RNF111: variants seen among roughly 807,000 people sequenced by gnomAD.
The protein encoded by RNF111 is ring finger protein 111.
A neutral mutation model predicts 95.1 loss-of-function variants in RNF111; 17 were observed. The observed-to-expected ratio is 0.18, with a 90% CI of 0.12 to 0.27. The LOEUF is 0.27. Among genes scored for constraint, RNF111 ranks in the 10% least tolerant of loss-of-function variants. The pLI is 1.00. For synonymous variants in RNF111, 440 were observed against 414.8 expected, an observed-to-expected ratio of 1.06 and a Z score of -0.74; for missense variants, 1,189 against 1,210.4, an observed-to-expected ratio of 0.98 and a Z score of 0.26.
At chr15:58,992,138 G>A (rs1038061804) in intron 1 of RNF111, among the ~76,000 whole-genome samples, 6 of 152,056 alleles carry the variant, frequency 3.9e-5, no homozygotes, top group Non-Finnish European at 7.4e-5. Context: ...TCCACCTCCC[G>A]GGTTCAAGCA....
At chr15:59,036,550 G>T (rs1195459100) in intron 2 of RNF111, among the ~76,000 whole-genome samples, 1 of 152,108 alleles carries the variant, frequency 6.6e-6, no homozygotes, top group Admixed American at 6.6e-5. Flanking sequence ...GTTCACTACC[G>T]TGAGAACATG....
At chr15:59,046,973 T>C (rs1397219173) in intron 2 of RNF111, among the ~76,000 whole-genome samples, 1 of 152,010 alleles carries the variant, frequency 6.6e-6, no homozygotes, top group Non-Finnish European at 1.5e-5. Flanking sequence ...TTTCAAGTGA[T>C]CCTACCACCT....
chr15:59,073,374 G>A (rs563999666), intron 6 of RNF111, among the ~76,000 whole-genome samples: 13 of 151,876 alleles, frequency 8.6e-5, no homozygotes, highest in East Asian at 1.9e-4. Context: ...CCAGCTGCTC[G>A]CGAGGCTGAG....
intron 1 of RNF111, among the ~76,000 whole-genome samples, chr15:59,012,501 G>A (rs1056148350): frequency 1.5e-4 from 23 of 152,150 alleles, no homozygotes; most frequent in African/African-American, 5.1e-4. Flanking sequence ...CTTTGTGTAC[G>A]TATTGACTAT....
rs1414275287 is a variant in RNF111, at chr15:58,989,871, CTTCT to C, written c.-20+1806_-20+1809del. Among the ~76,000 whole-genome samples, 198 of 145,524 alleles carry C rather than the reference CTTCT, an allele frequency of 1.4e-3. 1 individual carries two copies. Among genetic ancestry groups the C allele is most frequent in the Non-Finnish European group, 4.9e-4 (32 of 65,606 alleles). ...AACCATTTAGATTTTTAGATGTTTC[CTTCT>C]TTTTTTTTTTGTTATAGTTTAAAGA... On this transcript the variant is annotated intron_variant, in intron 1 of 13. Transcript: ENST00000348370.
rs143246180 is a variant in RNF111, at chr15:59,032,678, C to G, written c.880+976C>G. 4.4e-3 allele frequency among the ~76,000 whole-genome samples: 670 copies of G among 152,308 alleles called. 2 individuals carry two copies. Among genetic ancestry groups the G allele is most frequent in the Non-Finnish European group, 7.8e-3 (529 of 68,030 alleles). On this transcript the variant is annotated intron_variant, in intron 2 of 13. Transcript: ENST00000348370. ...TCAGGCGATCCACCTGCCTTGGGCT[C>G]TCAATATTTTTTCTTTAAGTACTAT... is the stretch of plus-strand genomic sequence containing the variant.
chr15:59,061,841 A>G (rs1453583874), intron 5 of RNF111, among the ~76,000 whole-genome samples: 1 of 152,028 alleles, frequency 6.6e-6, no homozygotes, highest in Non-Finnish European at 1.5e-5. Flanking sequence ...CTTTCCTCTA[A>G]TGGGCTTCTG....
intron 1 of RNF111, among the ~76,000 whole-genome samples, chr15:59,009,618 G>A (rs1434850935): frequency 6.6e-6 from 1 of 151,932 alleles, no homozygotes; most frequent in Non-Finnish European, 1.5e-5. Flanking sequence ...TGGAGCATTT[G>A]TGAGTGAGTG....
intron 1 of RNF111, among the ~76,000 whole-genome samples, chr15:59,021,569 A>G (rs1030962755): frequency 1.3e-5 from 2 of 152,208 alleles, no homozygotes; most frequent in Non-Finnish European, 2.9e-5. Flanking sequence ...AACAGCCACT[A>G]TGCCATGTGC....
At chr15:59,007,870 T>A (rs2039611782) in intron 1 of RNF111, among the ~76,000 whole-genome samples, 1 of 152,208 alleles carries the variant, frequency 6.6e-6, no homozygotes, top group Admixed American at 6.5e-5. Flanking sequence ...TTTTTTATAT[T>A]CAGTATTCAA....
rs557209542 is a variant in RNF111 at position 58,992,255 on chromosome 15, G to A, written c.-20+4187G>A. Among the ~76,000 whole-genome samples the A allele has an allele frequency of 6.6e-4, 100 of 152,262 alleles. 2 individuals carry two copies. The South Asian group carries it at 0.02, about 30-fold the overall frequency. On this transcript the variant is annotated intron_variant, in intron 1 of 13. Coordinates refer to ENST00000348370, the MANE Select transcript of RNF111 (RefSeq NM_017610.8). ...AAACGGTTTTTCACCATGTTAGCCA[G>A]GCTGGTCTTGAACTCGTGATCTCAG...
intron 1 of RNF111, among the ~76,000 whole-genome samples, chr15:58,997,032 C>G (rs1414481583): frequency 6.6e-6 from 1 of 152,006 alleles, no homozygotes; most frequent in East Asian, 1.9e-4. Context: ...TATATTTCTA[C>G]TAATATGCTT....
chr15:59,020,190 T>C lies in RNF111; in HGVS notation c.-19-10614T>C, dbSNP rs567929194. Among the ~76,000 whole-genome samples, 36 of 149,240 alleles carry C rather than the reference T, an allele frequency of 2.4e-4. No homozygotes were observed. The South Asian group carries it at 5.0e-3, about 21-fold the overall frequency. On this transcript the variant is annotated intron_variant, in intron 1 of 13. Transcript: ENST00000348370. ...ATATGTAATATGCAAATATACTATA[T>C]ATTTTGTAAGATACTTAATTCTATA...
At chr15:59,084,102 TG>T in intron 8 of RNF111, 26 bp from the exon 9 acceptor site, 1 of 1,548,320 alleles carries the variant, frequency 6.5e-7, no homozygotes, top group Non-Finnish European at 8.7e-7. Context: ...TTATTTCCAG[TG>T]GTCTTTTTGT....
chr15:58,992,168 C>T (rs958486103), intron 1 of RNF111, among the ~76,000 whole-genome samples: 8 of 152,160 alleles, frequency 5.3e-5, no homozygotes, highest in Non-Finnish European at 1.0e-4. Flanking sequence ...CGTCAGTCTC[C>T]TGAGTAGCTG....
chr15:59,015,748 G>T (rs1300912835), intron 1 of RNF111, among the ~76,000 whole-genome samples: 1 of 151,942 alleles, frequency 6.6e-6, no homozygotes, highest in Non-Finnish European at 1.5e-5. Flanking sequence ...ATCCTTCATG[G>T]TTTGACTTGG....
chr15:58,993,768 G>C (rs748640578), intron 1 of RNF111, among the ~76,000 whole-genome samples: 1 of 152,170 alleles, frequency 6.6e-6, no homozygotes, highest in African/African-American at 2.4e-5. Flanking sequence ...GTTTGGCAGT[G>C]TGGATTGTGT....
At chr15:59,049,233 C>T (rs1450678380) in intron 2 of RNF111, among the ~76,000 whole-genome samples, 2 of 152,116 alleles carry the variant, frequency 1.3e-5, no homozygotes, top group Non-Finnish European at 2.9e-5. Flanking sequence ...TCTGTTTCTA[C>T]AAATTTGACT....
intron 1 of RNF111, among the ~76,000 whole-genome samples, chr15:59,012,002 C>CTTTTTTT (rs2039839972): frequency 1.8e-5 from 1 of 55,716 alleles, no homozygotes; most frequent in Non-Finnish European, 3.6e-5. Context: ...TGTTTGTTTG[C>CTTTTTTT]CTTTTTTTTT....
Sources: allele counts gnomAD v4.1 joint callset (sites outside exome capture counted in the v4.1 genomes callset), GRCh38; gene constraint gnomAD v4.1.1; transcripts MANE v1.5; gene names NCBI Gene and HGNC (gene_info 2026-07-23, HGNC 2026-07-21).